DNAAF3: variants seen among roughly 807,000 people sequenced by gnomAD.
DNAAF3 encodes the protein UPF0470 protein C19orf51.
A neutral mutation model predicts 50.9 loss-of-function variants in DNAAF3; 40 were observed. The ratio of observed to expected loss-of-function variants is 0.79; its 90% CI spans 0.61 to 1.02. The LOEUF (loss-of-function observed/expected upper bound fraction) is 1.02. Ranked by LOEUF, DNAAF3 falls within the 50% of genes least tolerant of loss-of-function variation. The pLI is 0.00. For synonymous variants in DNAAF3, 327 were observed against 322.8 expected, an observed-to-expected ratio of 1.01 and a Z score of -0.14; for missense variants, 763 against 744.7, an observed-to-expected ratio of 1.02 and a Z score of -0.29.
chr19:55,159,450 C>T lies in DNAAF3; in HGVS notation c.1239-1G>A, dbSNP rs1204774724. On this transcript the variant is annotated splice_acceptor_variant, in intron 11 of 11. Coordinates refer to ENST00000524407, the MANE Select transcript of DNAAF3 (RefSeq NM_001256715.2). LOFTEE classifies it high-confidence loss of function. ...CTCCTGCCGCACGTCCACCAGGTAC[C>T]TGCAGATGGGAAGCGCCCTGTCAGG... 1.9e-6 allele frequency: 3 copies of T among 1,613,208 alleles called. No homozygotes were observed. In the African/African-American group the frequency reaches 4.0e-5, roughly 22 times the overall value.
Position 55,166,232 on chromosome 19 carries a change from C to T in DNAAF3, c.85+97G>A. 2 of 1,550,376 alleles carry T rather than the reference C, an allele frequency of 1.3e-6. No homozygotes were observed. The highest frequency in any genetic ancestry group is 3.9e-5 in the Admixed American group (2 of 51,020). ...TGGAGCGTTGGAGAACGTTAGCGCCCCCCTTGCCACCGACGCTGGGACTAC... is the reference window on the plus strand; with the variant it reads ...TGGAGCGTTGGAGAACGTTAGCGCCTCCCTTGCCACCGACGCTGGGACTAC... On this transcript the variant is annotated intron_variant, in intron 2 of 11. Coordinates refer to ENST00000524407, the MANE Select transcript of DNAAF3 (RefSeq NM_001256715.2). This position sits in a 1 kb window ranked among gnomAD's most constrained non-coding sequence, Gnocchi z 4.0.
At position 55,165,357 on chromosome 19, in the gene DNAAF3, C is replaced by T. The variant is rs746959054; in HGVS notation, c.322+13G>A. ...AGACCAGCGGTCAGAATGCCTGGGT[C>T]CTAGCAACAGACCTTGCAGCCCCAT... is the stretch of plus-strand genomic sequence containing the variant. On this transcript the variant is annotated intron_variant, in intron 4 of 11. Coordinates refer to ENST00000524407, the MANE Select transcript of DNAAF3 (RefSeq NM_001256715.2). 1.9e-6 allele frequency: 3 copies of T among 1,613,740 alleles called. No individual in the cohort carries two copies. In the South Asian group the frequency reaches 3.3e-5, roughly 18 times the overall value.
chr19:55,162,055 C>T, intron 5 of DNAAF3, 78 bp downstream of exon 5: 1 of 1,325,624 alleles, frequency 7.5e-7, no homozygotes, highest in Non-Finnish European at 9.6e-7. Context: ...CCTGCTCCAT[C>T]AACGCACGTC....
rs763697457 is a variant in DNAAF3 at position 55,160,812 on chromosome 19, A to C, written c.913-37T>G. Reference sequence around the variant, plus strand: ...AGGGGCGTGGCCAGACGTCGGGGCCAGGATGGCGGGGCGGGGCTTAGAACG... The same window carrying C: ...AGGGGCGTGGCCAGACGTCGGGGCCCGGATGGCGGGGCGGGGCTTAGAACG... On this transcript the variant is annotated intron_variant, in intron 8 of 11. Coordinates refer to ENST00000524407, the MANE Select transcript of DNAAF3 (RefSeq NM_001256715.2). This position sits in a 1 kb window ranked among gnomAD's most constrained non-coding sequence, Gnocchi z 4.7. The C allele has an allele frequency of 1.3e-6, 2 of 1,594,024 alleles. No homozygotes were observed. Among genetic ancestry groups the C allele is most frequent in the South Asian group, 1.1e-5 (1 of 90,672 alleles).
Position 55,161,055 on chromosome 19 carries a change from C to T in DNAAF3, c.912+10G>A, listed in dbSNP as rs1452715116. Reference sequence around the variant, plus strand: ...CCACCTCTACCCCCAGTCCCAGCCTCGCCGCGCACCTTGACTGGCTGGCCG... The same window carrying T: ...CCACCTCTACCCCCAGTCCCAGCCTTGCCGCGCACCTTGACTGGCTGGCCG... On this transcript the variant is annotated intron_variant, in intron 8 of 11. Coordinates refer to ENST00000524407, the MANE Select transcript of DNAAF3 (RefSeq NM_001256715.2). This position sits in a 1 kb window ranked among gnomAD's most constrained non-coding sequence, Gnocchi z 6.4. The T allele has an allele frequency of 4.0e-5, 62 of 1,536,352 alleles. No individual in the cohort carries two copies. The highest frequency in any genetic ancestry group is 6.0e-5 in the South Asian group (5 of 83,688).
rs1359698443 is a variant in DNAAF3 at position 55,158,830 on chromosome 19, T to A, written c.*232A>T. 6.3e-6 allele frequency: 3 copies of A among 476,938 alleles called. No homozygotes were observed. The highest frequency in any genetic ancestry group is 1.1e-5 in the Non-Finnish European group (3 of 276,098). The allele number at this position is 476,938 out of a possible 1,614,324, so 29.5% of individuals were successfully genotyped here. On this transcript the variant is annotated 3_prime_UTR_variant, in exon 12 of 12. Transcript: ENST00000524407. ...TAGGCTGGGCTTAGAGCCTCAGAAGTGGAATTTGGAATTCTGAGAGAACAA... is the reference window on the plus strand; with the variant it reads ...TAGGCTGGGCTTAGAGCCTCAGAAGAGGAATTTGGAATTCTGAGAGAACAA...
Position 55,159,189 on chromosome 19 carries a change from C to T in DNAAF3, c.1499G>A (p.Gly500Glu). Residue 500 changes from glycine (G) to glutamate (E), a missense_variant, in exon 12 of 12, where the codon GGG becomes GAG. Gly to Glu is a moderately conservative substitution (Grantham distance 98). Coordinates refer to ENST00000524407, the MANE Select transcript of DNAAF3 (RefSeq NM_001256715.2). ...LEGLTQPLQG[G>E]TPHCEPCQLP... ...CTGGCAGGGCTCACAGTGTGGGGTCCCACCCTGCAGAGGCTGGGTCAGGCC... is the reference window on the plus strand; with the variant it reads ...CTGGCAGGGCTCACAGTGTGGGGTCTCACCCTGCAGAGGCTGGGTCAGGCC... 6.2e-7 allele frequency: 1 copy of T among 1,613,898 alleles called. No homozygotes were observed. Among genetic ancestry groups the T allele is most frequent in the Non-Finnish European group, 8.5e-7 (1 of 1,180,030 alleles).
In DNAAF3 at chr19:55,166,326, C is replaced by G; in HGVS notation, c.85+3G>C. ...GTATCAGACCTTGCGTGCTGGGACT[C>G]ACTTTCAGCCTGCAGGTCCAGCGCC... is the stretch of plus-strand genomic sequence containing the variant. On this transcript the variant is annotated splice_donor_region_variant and intron_variant, in intron 2 of 11. Coordinates refer to ENST00000524407, the MANE Select transcript of DNAAF3 (RefSeq NM_001256715.2). The surrounding 1 kb of genome is among the most constrained non-coding windows in gnomAD (Gnocchi z 4.0). 3 of 1,613,200 alleles carry G rather than the reference C, an allele frequency of 1.9e-6. No individual in the cohort carries two copies. In the Admixed American group the frequency reaches 5.0e-5, roughly 27 times the overall value.
chr19:55,162,119 C>T lies in DNAAF3; in HGVS notation c.480+14G>A, dbSNP rs751887577. 9.5e-5 allele frequency: 118 copies of T among 1,244,912 alleles called. No individual in the cohort carries two copies. Among genetic ancestry groups the T allele is most frequent in the Non-Finnish European group, 5.9e-5 (58 of 990,402 alleles). 77.1% of individuals were successfully genotyped at this position (1,244,912 alleles called of 1,614,324 possible). A position where few individuals can be genotyped will look rare whatever the true frequency, so the allele number is the denominator to read the frequency against. ...GCGGCCACCCGATCCCAGATGGAGG[C>T]CGGGCGGCGGCACCTTGAGGGCGCG... On this transcript the variant is annotated intron_variant, in intron 5 of 11. Transcript: ENST00000524407.
Position 55,166,559 on chromosome 19 carries a change from T to C in DNAAF3, c.-41A>G. 1.5e-5 allele frequency: 24 copies of C among 1,614,070 alleles called. No homozygotes were observed. Among genetic ancestry groups the C allele is most frequent in the Non-Finnish European group, 2.0e-5 (24 of 1,180,018 alleles). ...AAATATCCCGGGACGCCCCTTCCTC[T>C]CTGCTCAGTGCAGCACTGTGGACCC... On this transcript the variant is annotated 5_prime_UTR_variant, in exon 1 of 12. Coordinates refer to ENST00000524407, the MANE Select transcript of DNAAF3 (RefSeq NM_001256715.2). The surrounding 1 kb of genome is among the most constrained non-coding windows in gnomAD (Gnocchi z 4.0).
chr19:55,165,501 G>A (rs781196309), intron 3 of DNAAF3, 38 bp from the exon 4 acceptor site: 1 of 1,606,694 alleles, frequency 6.2e-7, no homozygotes, highest in South Asian at 1.1e-5. Context: ...TCTGAGACCT[G>A]TTTGCCTGGG....
intron 4 of DNAAF3, among the ~76,000 whole-genome samples, chr19:55,164,573 G>T (rs1291348500): frequency 6.6e-6 from 1 of 151,928 alleles, no homozygotes; most frequent in African/African-American, 2.4e-5. Context: ...CGCCCAGGCT[G>T]GAGTGCAGTG....
At position 55,161,977 on chromosome 19, in the gene DNAAF3, C is replaced by T; in HGVS notation, c.481-152G>A. 1 of 1,352,486 alleles carries T rather than the reference C, an allele frequency of 7.4e-7. No individual in the cohort carries two copies. The highest frequency in any genetic ancestry group is 1.7e-5 in the South Asian group (1 of 58,804). 83.8% of individuals were successfully genotyped at this position (1,352,486 alleles called of 1,614,324 possible). ...CTGAGGCTCCGAAAGCAGAAGCCAC[C>T]TCCTGCCCCCAGGCCAAATCCCACA... On this transcript the variant is annotated intron_variant, in intron 5 of 11. Coordinates refer to ENST00000524407, the MANE Select transcript of DNAAF3 (RefSeq NM_001256715.2). The surrounding 1 kb of genome is among the most constrained non-coding windows in gnomAD (Gnocchi z 6.4).
At chr19:55,164,146 A>T (rs1217647138) in intron 4 of DNAAF3, among the ~76,000 whole-genome samples, 1 of 152,062 alleles carries the variant, frequency 6.6e-6, no homozygotes, top group Non-Finnish European at 1.5e-5. Flanking sequence ...CTTCCCAGCC[A>T]TACTCCCTGT....
chr19:55,161,927 T>C lies in DNAAF3; in HGVS notation c.481-102A>G. The C allele has an allele frequency of 7.5e-7, 1 of 1,341,572 alleles. No homozygotes were observed. Among genetic ancestry groups the C allele is most frequent in the Non-Finnish European group, 9.6e-7 (1 of 1,046,128 alleles). 83.1% of individuals were successfully genotyped at this position (1,341,572 alleles called of 1,614,324 possible). ...CTTCCATCCCAGAACAGGGGAACGA[T>C]TCCCCCGTTTCTCGGATGGAAAAAC... is the stretch of plus-strand genomic sequence containing the variant. On this transcript the variant is annotated intron_variant, in intron 5 of 11. Coordinates refer to ENST00000524407, the MANE Select transcript of DNAAF3 (RefSeq NM_001256715.2). This position sits in a 1 kb window ranked among gnomAD's most constrained non-coding sequence, Gnocchi z 6.4.
Position 55,165,849 on chromosome 19 carries a change from C to A in DNAAF3, c.228+9G>T. On this transcript the variant is annotated intron_variant, in intron 3 of 11. Transcript: ENST00000524407. Reference sequence around the variant, plus strand: ...GGGAATCTGGGCTCTCATCTTCATCCCAGCTCACGTTGAACCTCCTGCGAG... The same window carrying A: ...GGGAATCTGGGCTCTCATCTTCATCACAGCTCACGTTGAACCTCCTGCGAG... The A allele has an allele frequency of 6.2e-7, 1 of 1,613,410 alleles. No homozygotes were observed. The highest frequency in any genetic ancestry group is 8.5e-7 in the Non-Finnish European group (1 of 1,179,772).
intron 5 of DNAAF3, 29 bp downstream of exon 5, chr19:55,162,104 G>C: frequency 8.1e-7 from 1 of 1,242,088 alleles, no homozygotes; most frequent in African/African-American, 1.5e-5. Context: ...GCGGCCACCC[G>C]ATCCCAGATG....
In DNAAF3 at chr19:55,161,502, G is replaced by T; in HGVS notation, c.664-84C>A. 6.6e-7 allele frequency: 1 copy of T among 1,515,444 alleles called. No individual in the cohort carries two copies. The allele number at this position is 1,515,444 out of a possible 1,614,324, so 93.9% of individuals were successfully genotyped here. On this transcript the variant is annotated intron_variant, in intron 6 of 11. Coordinates refer to ENST00000524407, the MANE Select transcript of DNAAF3 (RefSeq NM_001256715.2). This position sits in a 1 kb window ranked among gnomAD's most constrained non-coding sequence, Gnocchi z 6.4. ...ACACCAGCCTCCCTCAGACCCAGGAGTCCAGGTCCCCAGGCCCTCCTCCCT... is the reference window on the plus strand; with the variant it reads ...ACACCAGCCTCCCTCAGACCCAGGATTCCAGGTCCCCAGGCCCTCCTCCCT...
intron 4 of DNAAF3, 66 bp downstream of exon 4, chr19:55,165,304 T>G (rs945108608): frequency 1.4e-6 from 2 of 1,462,494 alleles, no homozygotes; most frequent in African/African-American, 2.8e-5. Context: ...ACCATTGAAA[T>G]GCCAGAATCC....
Sources: allele counts gnomAD v4.1 joint callset (sites outside exome capture counted in the v4.1 genomes callset), GRCh38; gene constraint gnomAD v4.1.1; non-coding constraint Gnocchi (gnomAD v3.1); transcripts MANE v1.5; gene names NCBI Gene and HGNC (gene_info 2026-07-23, HGNC 2026-07-21).